ITGAL: variants seen among roughly 807,000 people sequenced by gnomAD.
ITGAL encodes the protein integrin subunit alpha L, also known as integrin alpha-L.
ITGAL carries 68 observed loss-of-function variants against 138.4 expected under a neutral mutation model. The observed-to-expected ratio is 0.49, with a 90% CI of 0.40 to 0.60. ITGAL has a LOEUF of 0.60. Among genes scored for constraint, ITGAL ranks in the 20% least tolerant of loss-of-function variants. The pLI, the probability that ITGAL is intolerant of heterozygous loss-of-function variation, is 0.00. For synonymous variants in ITGAL, 561 were observed against 584.3 expected (o/e 0.96, Z 0.57); for missense variants, 1,256 against 1,478.6 (o/e 0.85, Z 2.47).
chr16:30,495,608 T>C (rs1482503249), intron 13 of ITGAL, among the ~76,000 whole-genome samples: 1 of 152,114 alleles, frequency 6.6e-6, no homozygotes, highest in Non-Finnish European at 1.5e-5. Flanking sequence ...GGCAAGATGA[T>C]TGCTTGAAGC....
intron 28 of ITGAL, 146 bp downstream of exon 28, chr16:30,518,041 G>A (rs1410445234): frequency 6.0e-6 from 4 of 671,620 alleles, no homozygotes; most frequent in South Asian, 3.2e-5. Flanking sequence ...ACAGGTGAAA[G>A]AGAACAATGA....
chr16:30,476,413 G>T (rs1427038612), intron 4 of ITGAL, among the ~76,000 whole-genome samples: 1 of 151,928 alleles, frequency 6.6e-6, no homozygotes, highest in Admixed American at 6.6e-5. Context: ...ATTTTTAGTG[G>T]TATACAAACT....
At chr16:30,499,718 TATATATATATATA>T (rs2050860929) in intron 17 of ITGAL, among the ~76,000 whole-genome samples, 1 of 106,614 alleles carries the variant, frequency 9.4e-6, no homozygotes, top group Admixed American at 1.1e-4. Flanking sequence ...TATATGTATA[TATATATATATATA>T]TATTTTTTTT....
chr16:30,505,021 A>G, intron 18 of ITGAL: 4 of 315,658 alleles, frequency 1.3e-5, no homozygotes, highest in Non-Finnish European at 1.7e-5. Flanking sequence ...ACAGTCTTAA[A>G]AAAAAAAAAA....
chr16:30,506,668 C>G (rs767594200), intron 20 of ITGAL, 47 bp from the exon 21 acceptor site: 3 of 1,562,236 alleles, frequency 1.9e-6, no homozygotes, highest in Non-Finnish European at 2.6e-6. Flanking sequence ...CTGATATTCC[C>G]CACCCTGATC....
chr16:30,484,102 C>T lies in ITGAL; in HGVS notation c.856-11C>T, dbSNP rs780260319. Reference sequence around the variant, plus strand: ...GGGGATTTCAGCTCTTCACTCTCCACTCCCTCACAGATTGGAAAGCATTTT... The same window carrying T: ...GGGGATTTCAGCTCTTCACTCTCCATTCCCTCACAGATTGGAAAGCATTTT... On this transcript the variant is annotated splice_polypyrimidine_tract_variant and intron_variant, in intron 8 of 30. Coordinates refer to ENST00000356798, the MANE Select transcript of ITGAL (RefSeq NM_002209.3). 6.2e-7 allele frequency: 1 copy of T among 1,612,416 alleles called. No individual in the cohort carries two copies. Among genetic ancestry groups the T allele is most frequent in the Non-Finnish European group, 8.5e-7 (1 of 1,178,938 alleles).
chr16:30,518,510 G>A (rs934491406), intron 28 of ITGAL, 114 bp from the exon 29 acceptor site: 1 of 715,450 alleles, frequency 1.4e-6, no homozygotes, highest in Non-Finnish European at 2.5e-6. Flanking sequence ...AGAGATGGGT[G>A]CACCCCCCTG....
At chr16:30,478,662 A>G (rs945829980) in intron 4 of ITGAL, among the ~76,000 whole-genome samples, 1 of 147,336 alleles carries the variant, frequency 6.8e-6, no homozygotes, top group African/African-American at 2.5e-5. Context: ...CATGCCATGC[A>G]GTCCAGCCTA....
rs868617453 is a variant in ITGAL, at chr16:30,499,143, G to A, written c.1902G>A (p.Val634=). ...FSPAEIPVHE[V]ECSYSTSNKM... ...CAGCTGAGATCCCAGTGCATGAAGT[G>A]GAGTGCTCCTATTCAACCAGTAACA... Residue 634 remains valine, a synonymous_variant, in exon 16 of 31, where the codon GTG becomes GTA. Coordinates refer to ENST00000356798, the MANE Select transcript of ITGAL (RefSeq NM_002209.3). 2 of 1,614,080 alleles carry A rather than the reference G, an allele frequency of 1.2e-6. No homozygotes were observed. The highest frequency in any genetic ancestry group is 1.7e-6 in the Non-Finnish European group (2 of 1,179,996).
At chr16:30,476,413 G>A (rs1427038612) in intron 4 of ITGAL, among the ~76,000 whole-genome samples, 1 of 151,928 alleles carries the variant, frequency 6.6e-6, no homozygotes, top group Non-Finnish European at 1.5e-5. Context: ...ATTTTTAGTG[G>A]TATACAAACT....
chr16:30,498,512 T>C (rs2151160228), intron 15 of ITGAL, among the ~76,000 whole-genome samples: 1 of 152,318 alleles, frequency 6.6e-6, no homozygotes, highest in South Asian at 2.1e-4. Flanking sequence ...AGCATGAAAG[T>C]AACTCAGTAT....
rs192412809 is a variant in ITGAL, at chr16:30,483,857, C to A, written c.753C>A (p.Ala251=). 6.2e-7 allele frequency: 1 copy of A among 1,613,958 alleles called. No individual in the cohort carries two copies. Among genetic ancestry groups the A allele is most frequent in the East Asian group, 2.2e-5 (1 of 44,878 alleles). ...AGGTGTTCCGGGAGGAGCTGGGGGC[C>A]CGGCCAGATGCCACCAAAGTGCTTA... is the stretch of plus-strand genomic sequence containing the variant. ...ATEVFREELG[A]RPDATKVLII... is the part of the protein sequence containing the mutation. The change falls in exon 8 of 31, where the codon GCC becomes GCA. Residue 251 remains alanine (A), a synonymous_variant. Coordinates refer to ENST00000356798, the MANE Select transcript of ITGAL (RefSeq NM_002209.3).
At chr16:30,478,240 AG>A (rs1449487281) in intron 4 of ITGAL, among the ~76,000 whole-genome samples, 1 of 151,692 alleles carries the variant, frequency 6.6e-6, no homozygotes, top group Non-Finnish European at 1.5e-5. Context: ...AGGTTGAGGC[AG>A]GAGAATCACT....
intron 25 of ITGAL, among the ~76,000 whole-genome samples, chr16:30,515,208 A>G (rs1194892557): frequency 6.6e-6 from 1 of 152,108 alleles, no homozygotes; most frequent in African/African-American, 2.4e-5. Context: ...TTTTGAAAGC[A>G]CCATCTCTTT....
rs1448362766 is a variant in ITGAL, at chr16:30,503,450, T to TTA, written c.2146-724_2146-723insAT. Among the ~76,000 whole-genome samples, 6 of 151,010 alleles carry TTA rather than the reference T, an allele frequency of 4.0e-5. No homozygotes were observed. In the Admixed American group the frequency reaches 4.0e-4, roughly 10 times the overall value. On this transcript the variant is annotated intron_variant, in intron 17 of 30. Coordinates refer to ENST00000356798, the MANE Select transcript of ITGAL (RefSeq NM_002209.3). ...TTTTAGTTTTCATTTTCTTTTTTTT[T>TTA]TTTTCTTTTCTAGAGGGGGACAGAA...
chr16:30,493,619 G>T (rs2050758312), intron 11 of ITGAL, among the ~76,000 whole-genome samples: 1 of 152,152 alleles, frequency 6.6e-6, no homozygotes, highest in African/African-American at 2.4e-5. Context: ...GCCGGGCACA[G>T]TGGCTTATGC....
At chr16:30,513,887 T>G in intron 25 of ITGAL, 41 bp downstream of exon 25, 5 of 1,430,140 alleles carry the variant, frequency 3.5e-6, no homozygotes, top group Non-Finnish European at 4.9e-6. Context: ...GGTCACACAT[T>G]CATTCTTTAT....
At chr16:30,504,698 AC>A (rs2050956974) in intron 18 of ITGAL, among the ~76,000 whole-genome samples, 2 of 149,532 alleles carry the variant, frequency 1.3e-5, no homozygotes, top group South Asian at 4.3e-4. Flanking sequence ...ACAGCACGAA[AC>A]CCTGTCTCTA....
At chr16:30,506,972 G>T in intron 21 of ITGAL, 116 bp downstream of exon 21, 4 of 1,105,620 alleles carry the variant, frequency 3.6e-6, no homozygotes, top group Non-Finnish European at 5.3e-6. Context: ...GGTGGACAGG[G>T]GTCTTAGGGT....
Sources: gnomAD v4.1 joint callset for allele counts (sites outside exome capture counted in the v4.1 genomes callset) on GRCh38, gnomAD v4.1.1 for gene constraint, MANE v1.5 for transcripts, NCBI Gene and HGNC (gene_info 2026-07-23, HGNC 2026-07-21) for gene names.